Variants in RERE observed in about 807,000 individuals in gnomAD.
The protein encoded by RERE is arginine-glutamic acid dipeptide repeats protein.
RERE carries 40 observed loss-of-function variants against 146.1 expected under a neutral mutation model. That is an observed-to-expected ratio of 0.27 (90% confidence interval 0.21 to 0.36). The LOEUF is 0.36. RERE is among the 10% of genes least tolerant of loss of function. The pLI is 1.00. For synonymous variants in RERE, 1,003 were observed against 866.0 expected (o/e 1.16, Z -2.78); for missense variants, 1,933 against 2,138.7 (o/e 0.90, Z 1.90).
At chr1:8,590,098 T>C (rs988347408) in intron 4 of RERE, among the ~76,000 whole-genome samples, 2 of 152,158 alleles carry the variant, frequency 1.3e-5, no homozygotes, top group African/African-American at 2.4e-5. Flanking sequence ...CTACCACCAT[T>C]GCTTTTGGGG....
intron 11 of RERE, among the ~76,000 whole-genome samples, chr1:8,461,620 T>C (rs1644527720): frequency 6.6e-6 from 1 of 152,140 alleles, no homozygotes. Context: ...CAACTTCAAT[T>C]AGGAACATCA....
intron 12 of RERE, among the ~76,000 whole-genome samples, chr1:8,398,225 G>T (rs115486248): frequency 9.9e-4 from 151 of 152,382 alleles, no homozygotes; most frequent in African/African-American, 3.6e-3. Context: ...GGAAGCCTGA[G>T]TGTTTGGCAA....
In RERE at chr1:8,564,870, GTATATA is replaced by G. The variant is rs61426432; in HGVS notation, c.523-7353_523-7348del. On this transcript the variant is annotated intron_variant, in intron 4 of 22. Coordinates refer to ENST00000400908, the MANE Select transcript of RERE (RefSeq NM_001042681.2). ...TGTGTGTGTGTGTGTGTGTGTGTGT[GTATATA>G]TATATATAAAACTACTATTCAGTCT... 1.9e-3 allele frequency among the ~76,000 whole-genome samples: 238 copies of G among 127,400 alleles called. 1 individual carries two copies. Among genetic ancestry groups the G allele is most frequent in the African/African-American group, 7.5e-3 (222 of 29,674 alleles). 83.6% of individuals were successfully genotyped at this position (127,400 alleles called of 152,430 possible). A position where few individuals can be genotyped will look rare whatever the true frequency, so the allele number is the denominator to read the frequency against.
intron 1 of RERE, among the ~76,000 whole-genome samples, chr1:8,757,917 C>CACACACACACACACACAT (rs1640675196): frequency 8.2e-6 from 1 of 121,750 alleles, no homozygotes; most frequent in Non-Finnish European, 1.7e-5. Flanking sequence ...TACATACACA[C>CACACACACACACACACAT]ACACACACAC....
intron 11 of RERE, among the ~76,000 whole-genome samples, chr1:8,441,244 C>T (rs1644243923): frequency 6.6e-6 from 1 of 152,140 alleles, no homozygotes; most frequent in Non-Finnish European, 1.5e-5. Flanking sequence ...TGTGTAAGAC[C>T]ATAGTCCGCA....
intron 1 of RERE, among the ~76,000 whole-genome samples, chr1:8,744,558 A>G (rs1362854655): frequency 2.0e-5 from 3 of 152,266 alleles, no homozygotes; most frequent in African/African-American, 4.8e-5. Context: ...TAGAAAAAGT[A>G]TACCAACCAG....
rs570829104 is a variant in RERE, at chr1:8,746,562, C to T, written c.-145+70598G>A. ...TGAAAAACAAAATGGTTATATGGTA[C>T]TCAAAGTATGGTTTCTATTGACTGT... On this transcript the variant is annotated intron_variant, in intron 1 of 22. Coordinates refer to ENST00000400908, the MANE Select transcript of RERE (RefSeq NM_001042681.2). Among the ~76,000 whole-genome samples, 376 of 152,202 alleles carry T rather than the reference C, an allele frequency of 2.5e-3. 3 individuals are homozygous for T. Among genetic ancestry groups the T allele is most frequent in the African/African-American group, 6.8e-3 (283 of 41,514 alleles).
Position 8,497,192 on chromosome 1 carries a change from G to GA in RERE, c.1004+212dup, listed in dbSNP as rs767801573. ...TTTGATGTGGGGCAAACACCAAGAA[G>GA]AAAAACATTACTTCATCATGAAAAA... On this transcript the variant is annotated intron_variant, in intron 9 of 22. Transcript: ENST00000400908. Among the ~76,000 whole-genome samples the GA allele has an allele frequency of 9.7e-4, 148 of 152,188 alleles. 1 individual carries two copies. The highest frequency in any genetic ancestry group is 1.5e-3 in the Non-Finnish European group (100 of 67,990).
At chr1:8,764,077 T>G (rs982266093) in intron 1 of RERE, among the ~76,000 whole-genome samples, 1 of 152,154 alleles carries the variant, frequency 6.6e-6, no homozygotes, top group Non-Finnish European at 1.5e-5. Context: ...CCTAGGAGGC[T>G]ATTTCTCAGA....
intron 12 of RERE, among the ~76,000 whole-genome samples, chr1:8,414,742 CG>C (rs1557620059): frequency 6.6e-6 from 1 of 151,932 alleles, no homozygotes; most frequent in African/African-American, 2.4e-5. Flanking sequence ...TTCAACATCT[CG>C]GAAAACTTAG....
Position 8,435,581 on chromosome 1 carries a change from C to T in RERE, c.1204-12774G>A, listed in dbSNP as rs539221209. Among the ~76,000 whole-genome samples, 3 of 152,310 alleles carry T rather than the reference C, an allele frequency of 2.0e-5. No individual in the cohort carries two copies. In the East Asian group the frequency reaches 5.8e-4, roughly 29 times the overall value. On this transcript the variant is annotated intron_variant, in intron 11 of 22. Coordinates refer to ENST00000400908, the MANE Select transcript of RERE (RefSeq NM_001042681.2). ...GAACTACACCATCCCCTCCGTGATGCCAGCTCAGCATCCAGAGTAGAGCCA... is the reference window on the plus strand; with the variant it reads ...GAACTACACCATCCCCTCCGTGATGTCAGCTCAGCATCCAGAGTAGAGCCA...
Position 8,401,037 on chromosome 1 carries a change from C to CTT in RERE, c.1284+21689_1284+21690insAA, listed in dbSNP as rs1557611624. On this transcript the variant is annotated intron_variant, in intron 12 of 22. Coordinates refer to ENST00000400908, the MANE Select transcript of RERE (RefSeq NM_001042681.2). ...TGTCTCAAAAAAAAAAAAAAAAAAA[C>CTT]CATATATATATATATATATATATAT... Among the ~76,000 whole-genome samples, 2 of 5,616 alleles carry CTT rather than the reference C, an allele frequency of 3.6e-4. 1 individual carries two copies. The highest frequency in any genetic ancestry group is 1.3e-3 in the Non-Finnish European group (2 of 1,492). The allele number at this position is 5,616 out of a possible 152,430, so 3.7% of individuals were successfully genotyped here.
In RERE at chr1:8,577,545, T is replaced by A. The variant is rs143688450; in HGVS notation, c.523-20022A>T. On this transcript the variant is annotated intron_variant, in intron 4 of 22. Transcript: ENST00000400908. ...AAGAAGTTACACGTTTTCAACTGCC[T>A]GTAGAAGAAAATCACATACTCCTTG... is the stretch of plus-strand genomic sequence containing the variant. Among the ~76,000 whole-genome samples, 1,339 of 152,342 alleles carry A rather than the reference T, an allele frequency of 8.8e-3. 8 individuals are homozygous for A. Among genetic ancestry groups the A allele is most frequent in the Non-Finnish European group, 0.014 (945 of 68,026 alleles).
At chr1:8,621,958 A>G (rs2124218773) in intron 3 of RERE, among the ~76,000 whole-genome samples, 1 of 152,362 alleles carries the variant, frequency 6.6e-6, no homozygotes, top group Non-Finnish European at 1.5e-5. Context: ...TTGTTCTTAC[A>G]CAACAACTAT....
intron 4 of RERE, among the ~76,000 whole-genome samples, chr1:8,594,497 C>G (rs1646531991): frequency 6.6e-6 from 1 of 152,120 alleles, no homozygotes; most frequent in Non-Finnish European, 1.5e-5. Flanking sequence ...AACAAAGCAT[C>G]TGTGAAAGTA....
At chr1:8,468,052 T>C (rs753880859) in intron 10 of RERE, among the ~76,000 whole-genome samples, 12 of 152,202 alleles carry the variant, frequency 7.9e-5, no homozygotes, top group Non-Finnish European at 1.8e-4. Context: ...AAATCAAGAC[T>C]GGGAAGTCCA....
chr1:8,384,163 C>A (rs764667976), intron 12 of RERE, among the ~76,000 whole-genome samples: 3 of 152,172 alleles, frequency 2.0e-5, no homozygotes, highest in African/African-American at 7.2e-5. Flanking sequence ...TTCCTCAGGT[C>A]GGGGTCTTAC....
At chr1:8,711,034 A>G (rs1158880963) in intron 1 of RERE, among the ~76,000 whole-genome samples, 1 of 151,486 alleles carries the variant, frequency 6.6e-6, no homozygotes, top group Non-Finnish European at 1.5e-5. Context: ...GCGCATGCCT[A>G]TAATCCCAGC....
intron 10 of RERE, among the ~76,000 whole-genome samples, chr1:8,472,137 A>G (rs1281900398): frequency 6.6e-6 from 1 of 152,170 alleles, no homozygotes; most frequent in African/African-American, 2.4e-5. Flanking sequence ...TTAGATGAGG[A>G]TAATGTTCAA....
Sources: gnomAD v4.1 joint callset for allele counts (sites outside exome capture counted in the v4.1 genomes callset) on GRCh38, gnomAD v4.1.1 for gene constraint, MANE v1.5 for transcripts, NCBI Gene and HGNC (gene_info 2026-07-23, HGNC 2026-07-21) for gene names.